Variants in BBS9 observed in about 807,000 individuals in gnomAD.
The protein encoded by BBS9 is protein PTHB1.
A neutral mutation model predicts 117.7 loss-of-function variants in BBS9; 89 were observed. The ratio of observed to expected loss-of-function variants is 0.76; its 90% CI spans 0.64 to 0.90. The LOEUF (loss-of-function observed/expected upper bound fraction) is 0.90, where lower values mean the gene tolerates loss of function less well. Ranked by LOEUF, BBS9 falls within the 40% of genes least tolerant of loss-of-function variation. The probability of loss-of-function intolerance (pLI) is 0.00; values close to 1 mark genes in which losing one functional copy is unlikely to be tolerated. For missense variants in BBS9, 982 were observed against 1,042.2 expected, an observed-to-expected ratio of 0.94 and a Z score of 0.80; for synonymous variants, 379 against 370.9, an observed-to-expected ratio of 1.02 and a Z score of -0.25.
rs775178031 is a variant in BBS9 at position 33,357,884 on chromosome 7, A to G, written c.1582A>G (p.Arg528Gly). ...GIPRVIQCKF[R>G]LPLKLICLPG... The stretch of plus-strand genomic sequence containing the variant: ...TCCGCGAGTTATCCAATGTAAATTT[A>G]GACTTCCCCTAAAGTTAATTTGCCT... The change falls in exon 16 of 23, where the codon AGA becomes GGA. Residue 528 changes from arginine to glycine, a missense_variant. Coordinates refer to ENST00000242067, the MANE Select transcript of BBS9 (RefSeq NM_198428.3). 103 of 1,611,846 alleles carry G rather than the reference A, an allele frequency of 6.4e-5. No homozygotes were observed. Among genetic ancestry groups the G allele is most frequent in the Non-Finnish European group, 8.7e-5 (102 of 1,178,324 alleles).
chr7:33,587,954 A>G (rs551000819), intron 21 of BBS9, among the ~76,000 whole-genome samples: 35 of 152,228 alleles, frequency 2.3e-4, no homozygotes, highest in Middle Eastern at 3.4e-3. Context: ...TTGATGCCCC[A>G]GTGGATATAA....
At chr7:33,147,917 C>T (rs1792673610) in intron 2 of BBS9, among the ~76,000 whole-genome samples, 1 of 150,204 alleles carries the variant, frequency 6.7e-6, no homozygotes, top group East Asian at 2.0e-4. Context: ...AGACAACACT[C>T]ATCATTGTGT....
chr7:33,357,759 C>A (rs1819870081), intron 15 of BBS9, 96 bp from the exon 16 acceptor site: 3 of 1,324,104 alleles, frequency 2.3e-6, no homozygotes, highest in African/African-American at 2.9e-5. Context: ...ACAAGCAAAC[C>A]AAGATATATT....
intron 19 of BBS9, among the ~76,000 whole-genome samples, chr7:33,436,741 A>G (rs1023356752): frequency 6.6e-6 from 1 of 152,216 alleles, no homozygotes; most frequent in Middle Eastern, 3.2e-3. Flanking sequence ...CTGTTTTGTT[A>G]ACAAAGCTGT....
chr7:33,134,116 T>C (rs975468674), intron 1 of BBS9, among the ~76,000 whole-genome samples: 15 of 152,058 alleles, frequency 9.9e-5, no homozygotes, highest in African/African-American at 3.6e-4. Context: ...AATGGTGTGG[T>C]TTTGGCCCAC....
chr7:33,414,877 A>G (rs1264261194), intron 19 of BBS9, among the ~76,000 whole-genome samples: 3 of 152,120 alleles, frequency 2.0e-5, no homozygotes, highest in Non-Finnish European at 2.9e-5. Context: ...CAGAGAGATG[A>G]TATCAGTTTA....
intron 9 of BBS9, among the ~76,000 whole-genome samples, chr7:33,293,500 A>G (rs1804519009): frequency 6.6e-6 from 1 of 152,170 alleles, no homozygotes; most frequent in African/African-American, 2.4e-5. Context: ...TGTATAATGC[A>G]GACTTGTATT....
intron 2 of BBS9, among the ~76,000 whole-genome samples, chr7:33,148,339 G>A (rs1401454291): frequency 6.6e-6 from 1 of 152,128 alleles, no homozygotes; most frequent in East Asian, 1.9e-4. Flanking sequence ...CAGGGGAAGT[G>A]TGGGAAGAGT....
chr7:33,374,184 G>A (rs181374447), intron 17 of BBS9, among the ~76,000 whole-genome samples: 134 of 152,220 alleles, frequency 8.8e-4, no homozygotes, highest in Middle Eastern at 3.4e-3. Context: ...TGTTTGTAGA[G>A]GGTCTTGAGG....
At chr7:33,494,830 C>G (rs951074833) in intron 19 of BBS9, among the ~76,000 whole-genome samples, 1 of 152,148 alleles carries the variant, frequency 6.6e-6, no homozygotes, top group African/African-American at 2.4e-5. Flanking sequence ...ATATCTTCAC[C>G]AAGGCAACTT....
At position 33,230,428 on chromosome 7, in the gene BBS9, T is replaced by A. The variant is rs531022871; in HGVS notation, c.443-26808T>A. 8.0e-3 allele frequency among the ~76,000 whole-genome samples: 1,222 copies of A among 152,322 alleles called. 9 individuals are homozygous for A. The highest frequency in any genetic ancestry group is 0.012 in the Non-Finnish European group (805 of 68,020). On this transcript the variant is annotated intron_variant, in intron 5 of 22. Transcript: ENST00000242067. Reference sequence around the variant, plus strand: ...TATCCATTACATTTTTTAAAAAAAATTTTCAATAACTTTAGAGGTATAAGT... The same window carrying A: ...TATCCATTACATTTTTTAAAAAAAAATTTCAATAACTTTAGAGGTATAAGT...
At chr7:33,213,979 A>G (rs899781036) in intron 5 of BBS9, among the ~76,000 whole-genome samples, 10 of 151,966 alleles carry the variant, frequency 6.6e-5, no homozygotes, top group Non-Finnish European at 1.2e-4. Flanking sequence ...TCCCCTAGCC[A>G]CCCCGGATTG....
intron 19 of BBS9, among the ~76,000 whole-genome samples, chr7:33,388,547 A>T (rs1468642772): frequency 6.6e-6 from 1 of 152,206 alleles, no homozygotes; most frequent in Non-Finnish European, 1.5e-5. Context: ...CTTACCAAGC[A>T]ACTGGCTCAT....
chr7:33,377,163 GT>G (rs1242508239), intron 17 of BBS9, among the ~76,000 whole-genome samples: 2 of 152,050 alleles, frequency 1.3e-5, no homozygotes, highest in African/African-American at 4.8e-5. Context: ...GTCTTCCAGG[GT>G]TTTTATAGAT....
chr7:33,511,166 T>G (rs1846900982), intron 20 of BBS9, among the ~76,000 whole-genome samples: 1 of 152,174 alleles, frequency 6.6e-6, no homozygotes. Context: ...AATACAGCAT[T>G]CTAGGTGGTC....
chr7:33,446,191 A>G (rs1836966063), intron 19 of BBS9, among the ~76,000 whole-genome samples: 1 of 152,178 alleles, frequency 6.6e-6, no homozygotes, highest in Non-Finnish European at 1.5e-5. Flanking sequence ...TCATGGAATC[A>G]TAGTCACAAC....
intron 5 of BBS9, among the ~76,000 whole-genome samples, chr7:33,229,823 G>T (rs559818306): frequency 2.6e-4 from 39 of 152,034 alleles, no homozygotes; most frequent in African/African-American, 8.9e-4. Flanking sequence ...TAATTTTTTT[G>T]GAAACCTCCA....
At chr7:33,519,422 T>C (rs1214891739) in intron 20 of BBS9, among the ~76,000 whole-genome samples, 3 of 152,214 alleles carry the variant, frequency 2.0e-5, no homozygotes, top group Non-Finnish European at 4.4e-5. Context: ...GTACTTCAGA[T>C]TCATTAGAAT....
intron 9 of BBS9, among the ~76,000 whole-genome samples, chr7:33,308,636 G>T (rs766990071): frequency 2.0e-4 from 31 of 152,184 alleles, no homozygotes; most frequent in Admixed American, 1.7e-3. Context: ...GTACCATAAT[G>T]ATTCTCCATC....
Sources: allele counts gnomAD v4.1 joint callset (sites outside exome capture counted in the v4.1 genomes callset), GRCh38; gene constraint gnomAD v4.1.1; transcripts MANE v1.5; gene names NCBI Gene and HGNC (gene_info 2026-07-23, HGNC 2026-07-21).